The following MMP26 variants were observed in gnomAD, a reference collection of about 807,000 sequenced individuals.
MMP26 encodes the protein matrix metalloproteinase-26.
A neutral mutation model predicts 31.0 loss-of-function variants in MMP26; 33 were observed. The ratio of observed to expected loss-of-function variants is 1.06; its 90% CI spans 0.81 to 1.42. The LOEUF is 1.42. Ranked by LOEUF, MMP26 falls within the 40% of genes most tolerant of loss-of-function variation. The pLI is 0.00. For missense variants in MMP26, 347 were observed against 316.1 expected, an observed-to-expected ratio of 1.10 and a Z score of -0.74; for synonymous variants, 122 against 114.9, an observed-to-expected ratio of 1.06 and a Z score of -0.40.
intron 2 of MMP26, among the ~76,000 whole-genome samples, chr11:4,845,356 C>T (rs1015550348): frequency 2.6e-5 from 4 of 152,072 alleles, no homozygotes; most frequent in African/African-American, 9.7e-5. Flanking sequence ...AGATTTAATG[C>T]AATTCCAATG....
intron 2 of MMP26, among the ~76,000 whole-genome samples, chr11:4,874,986 T>C (rs539680429): frequency 2.0e-4 from 30 of 152,188 alleles, no homozygotes; most frequent in African/African-American, 7.2e-4. Flanking sequence ...GTCTTCTCTA[T>C]GGAGAAACAG....
chr11:4,823,926 CATG>C (rs1272020414), intron 2 of MMP26, among the ~76,000 whole-genome samples: 8 of 152,188 alleles, frequency 5.3e-5, no homozygotes, highest in African/African-American at 1.9e-4. Context: ...CAAAAGAGAG[CATG>C]ATGATATGTT....
intron 2 of MMP26, among the ~76,000 whole-genome samples, chr11:4,938,780 A>G (rs1345736155): frequency 6.6e-6 from 1 of 152,164 alleles, no homozygotes; most frequent in Admixed American, 6.6e-5. Context: ...GCATATATGT[A>G]TAGGATGAAC....
chr11:4,854,816 A>G (rs1042623942), intron 2 of MMP26, among the ~76,000 whole-genome samples: 2 of 152,206 alleles, frequency 1.3e-5, no homozygotes, highest in African/African-American at 4.8e-5. Context: ...ATCCCCCAGT[A>G]GGGGCCAACT....
At chr11:4,713,380 G>C (rs1206567565) in intron 1 of MMP26, among the ~76,000 whole-genome samples, 1 of 152,142 alleles carries the variant, frequency 6.6e-6, no homozygotes, top group African/African-American at 2.4e-5. Context: ...GGTTCCAAGT[G>C]AGCTGAGTCT....
At chr11:4,772,709 T>C (rs1364368592) in intron 2 of MMP26, among the ~76,000 whole-genome samples, 1 of 152,220 alleles carries the variant, frequency 6.6e-6, no homozygotes, top group Non-Finnish European at 1.5e-5. Flanking sequence ...AGTTGACTAA[T>C]GGATGCAGAC....
intron 2 of MMP26, among the ~76,000 whole-genome samples, chr11:4,885,952 T>G (rs983216243): frequency 2.0e-5 from 3 of 152,082 alleles, no homozygotes; most frequent in African/African-American, 7.2e-5. Flanking sequence ...ACTTGTTTTC[T>G]TCACCATCTG....
At chr11:4,822,233 C>G in intron 2 of MMP26, 2 of 1,580,004 alleles carry the variant, frequency 1.3e-6, no homozygotes, top group Admixed American at 1.7e-5. Flanking sequence ...CATTCAGCAC[C>G]TCCATTTGTC....
intron 2 of MMP26, among the ~76,000 whole-genome samples, chr11:4,895,079 C>T (rs1175414924): frequency 6.6e-6 from 1 of 151,970 alleles, no homozygotes; most frequent in Non-Finnish European, 1.5e-5. Context: ...ATGCATTTTC[C>T]CCAAGTACAG....
chr11:4,794,332 G>C (rs888525572), intron 2 of MMP26: 2 of 152,122 alleles, frequency 1.3e-5, no homozygotes, highest in Non-Finnish European at 2.9e-5. Flanking sequence ...ATAGATACGA[G>C]GCTTTTAATG....
At chr11:4,914,773 G>A (rs772916190) in intron 2 of MMP26, 2 of 1,613,996 alleles carry the variant, frequency 1.2e-6, no homozygotes, top group Admixed American at 1.7e-5. Context: ...TCTTCACACT[G>A]TAGACAATGG....
chr11:4,755,832 CT>C (rs1848498480), intron 1 of MMP26, among the ~76,000 whole-genome samples: 1 of 152,032 alleles, frequency 6.6e-6, no homozygotes, highest in African/African-American at 2.4e-5. Context: ...CTGAAGATGT[CT>C]TGTTTTGCAC....
chr11:4,860,754 C>T, intron 2 of MMP26: 1 of 259,730 alleles, frequency 3.9e-6, no homozygotes, highest in East Asian at 1.1e-4. Context: ...TACACAGTCA[C>T]ATGTGATTAC....
At chr11:4,803,718 G>A (rs139812222) in intron 2 of MMP26, 13 of 1,613,604 alleles carry the variant, frequency 8.1e-6, no homozygotes, top group East Asian at 4.5e-5. Context: ...AAATCATCAC[G>A]TATGACATAC....
At chr11:4,892,258 C>G (rs765457086) in intron 2 of MMP26, among the ~76,000 whole-genome samples, 3 of 152,102 alleles carry the variant, frequency 2.0e-5, no homozygotes, top group Admixed American at 6.6e-5. Flanking sequence ...CAGCCACTCT[C>G]TCTCCCCTAA....
chr11:4,915,552 A>G, intron 2 of MMP26: 1 of 1,614,094 alleles, frequency 6.2e-7, no homozygotes, highest in Non-Finnish European at 8.5e-7. Flanking sequence ...AGATACATGA[A>G]GCACAGTGGG....
At chr11:4,824,157 G>C (rs377642446) in intron 2 of MMP26, among the ~76,000 whole-genome samples, 88 of 152,156 alleles carry the variant, frequency 5.8e-4, no homozygotes, top group African/African-American at 2.0e-3. Flanking sequence ...CAATTAATGG[G>C]TACTGTATAC....
intron 1 of MMP26, among the ~76,000 whole-genome samples, chr11:4,747,845 G>T (rs1848399871): frequency 6.6e-6 from 1 of 151,856 alleles, no homozygotes; most frequent in Non-Finnish European, 1.5e-5. Context: ...TGCATCAAAA[G>T]AATAGAAAGA....
At chr11:4,972,241 T>G (rs1252942153) in intron 2 of MMP26, among the ~76,000 whole-genome samples, 3 of 152,074 alleles carry the variant, frequency 2.0e-5, no homozygotes, top group Admixed American at 1.3e-4. Context: ...AATATGGAGA[T>G]AAATATGAAA....
Sources: gnomAD v4.1 joint callset for allele counts (sites outside exome capture counted in the v4.1 genomes callset) on GRCh38, gnomAD v4.1.1 for gene constraint, MANE v1.5 for transcripts, NCBI Gene and HGNC (gene_info 2026-07-23, HGNC 2026-07-21) for gene names.